TRIO: variants seen among roughly 807,000 people sequenced by gnomAD.
TRIO encodes triple functional domain protein.
Under a neutral mutation model 351.9 loss-of-function variants are expected in TRIO, and 58 were observed. The ratio of observed to expected loss-of-function variants is 0.16; its 90% CI spans 0.13 to 0.21. The LOEUF is 0.21. Ranked by LOEUF, TRIO falls within the 10% of genes least tolerant of loss-of-function variation. TRIO has a pLI of 1.00. For missense variants in TRIO, 3,201 were observed against 4,027.8 expected, an observed-to-expected ratio of 0.79 and a Z score of 5.56; for synonymous variants, 1,758 against 1,595.7, an observed-to-expected ratio of 1.10 and a Z score of -2.42.
At chr5:14,368,457 G>A (rs1000766269) in intron 16 of TRIO, among the ~76,000 whole-genome samples, 1 of 152,106 alleles carries the variant, frequency 6.6e-6, no homozygotes, top group South Asian at 2.1e-4. Context: ...CCCTACAACC[G>A]AGACCCATTC....
chr5:14,317,732 C>G (rs533631487), intron 9 of TRIO, among the ~76,000 whole-genome samples: 2 of 152,354 alleles, frequency 1.3e-5, no homozygotes, highest in Admixed American at 1.3e-4. Flanking sequence ...TGGCTCACGC[C>G]TGTAATCCCA....
At chr5:14,179,334 C>G (rs1789606220) in intron 1 of TRIO, among the ~76,000 whole-genome samples, 1 of 152,152 alleles carries the variant, frequency 6.6e-6, no homozygotes, top group Non-Finnish European at 1.5e-5. Context: ...TTCTTAATTA[C>G]TCTGTAATAC....
intron 28 of TRIO, among the ~76,000 whole-genome samples, chr5:14,396,676 G>GC (rs1425738601): frequency 6.6e-6 from 1 of 150,684 alleles, no homozygotes; most frequent in Non-Finnish European, 1.5e-5. Flanking sequence ...TACCATGTTG[G>GC]CCAGGCTGGT....
At chr5:14,486,718 G>A (rs1268254957) in intron 47 of TRIO, among the ~76,000 whole-genome samples, 1 of 152,106 alleles carries the variant, frequency 6.6e-6, no homozygotes, top group African/African-American at 2.4e-5. Flanking sequence ...AAAGGAGATC[G>A]CTCATGGGCT....
Position 14,304,559 on chromosome 5 carries a change from A to G in TRIO, c.1467A>G (p.Gly489=), listed in dbSNP as rs759501399. 12 of 1,613,992 alleles carry G rather than the reference A, an allele frequency of 7.4e-6. No homozygotes were observed. In the African/African-American group the frequency reaches 1.6e-4, roughly 22 times the overall value. The change falls in exon 8 of 57, where the codon GGA becomes GGG. Residue 489 remains glycine (G), a synonymous_variant. Coordinates refer to ENST00000344204, the MANE Select transcript of TRIO (RefSeq NM_007118.4). ...AAGATGCCATTCATCACCACCAGGGAATATATGAACATATCACTCTTGCTT... is the reference window on the plus strand; with the variant it reads ...AAGATGCCATTCATCACCACCAGGGGATATATGAACATATCACTCTTGCTT... ...DLEDAIHHHQ[G]IYEHITLAYS...
chr5:14,434,641 G>A (rs1289456306), intron 34 of TRIO, among the ~76,000 whole-genome samples: 4 of 152,204 alleles, frequency 2.6e-5, no homozygotes, highest in Non-Finnish European at 5.9e-5. Flanking sequence ...CCCGAATGCA[G>A]TGCTCTTAAC....
intron 1 of TRIO, among the ~76,000 whole-genome samples, chr5:14,184,286 C>T (rs1386328229): frequency 1.3e-5 from 2 of 152,192 alleles, no homozygotes; most frequent in Non-Finnish European, 1.5e-5. Context: ...TTTGTGTATC[C>T]GCTCAGCAAA....
chr5:14,311,821 A>G (rs1037375221), intron 8 of TRIO, among the ~76,000 whole-genome samples: 3 of 152,206 alleles, frequency 2.0e-5, no homozygotes, highest in Admixed American at 6.5e-5. Flanking sequence ...AAATAGTGCA[A>G]TTCATTTCAT....
chr5:14,220,534 C>G (rs1427890983), intron 1 of TRIO, among the ~76,000 whole-genome samples: 1 of 152,148 alleles, frequency 6.6e-6, no homozygotes, highest in Non-Finnish European at 1.5e-5. Context: ...CTGAGACAGG[C>G]CAAAAGCTAG....
chr5:14,393,106 A>G (rs1303894400), intron 27 of TRIO, among the ~76,000 whole-genome samples: 1 of 152,068 alleles, frequency 6.6e-6, no homozygotes, highest in Admixed American at 6.5e-5. Flanking sequence ...GACATAGATG[A>G]AGCTGGAAAC....
At chr5:14,175,561 C>T (rs1789355874) in intron 1 of TRIO, among the ~76,000 whole-genome samples, 1 of 152,068 alleles carries the variant, frequency 6.6e-6, no homozygotes, top group Non-Finnish European at 1.5e-5. Context: ...GAACATAACC[C>T]CAGATGGGGA....
chr5:14,196,018 G>A (rs1257101780), intron 1 of TRIO, among the ~76,000 whole-genome samples: 1 of 152,106 alleles, frequency 6.6e-6, no homozygotes, highest in African/African-American at 2.4e-5. Flanking sequence ...GTTGCCTTTG[G>A]GTTGTGGGAT....
intron 11 of TRIO, among the ~76,000 whole-genome samples, chr5:14,344,053 G>C (rs895106540): frequency 3.3e-5 from 5 of 152,146 alleles, no homozygotes; most frequent in African/African-American, 7.2e-5. Flanking sequence ...ATTTAGCTGC[G>C]CTCTTTAGTG....
At chr5:14,476,366 C>T (rs1362752483) in intron 40 of TRIO, among the ~76,000 whole-genome samples, 1 of 152,240 alleles carries the variant, frequency 6.6e-6, no homozygotes, top group Admixed American at 6.5e-5. Context: ...CGTGCCTCAT[C>T]TTCTGTGCCT....
At chr5:14,233,549 C>T (rs1200174526) in intron 1 of TRIO, among the ~76,000 whole-genome samples, 1 of 150,968 alleles carries the variant, frequency 6.6e-6, no homozygotes, top group African/African-American at 2.4e-5. Context: ...AATATTTTTC[C>T]TTCCTTTCTT....
chr5:14,419,318 T>C (rs1172922380), intron 33 of TRIO, among the ~76,000 whole-genome samples: 2 of 152,142 alleles, frequency 1.3e-5, no homozygotes, highest in South Asian at 2.1e-4. Context: ...TTCAGGGTCA[T>C]AGCCCATTGC....
At chr5:14,207,698 C>T (rs1791631915) in intron 1 of TRIO, among the ~76,000 whole-genome samples, 1 of 151,570 alleles carries the variant, frequency 6.6e-6, no homozygotes, top group African/African-American at 2.4e-5. Context: ...GGCAATAGAG[C>T]AAGACCTTGT....
chr5:14,308,831 CA>C (rs1443733915), intron 8 of TRIO, among the ~76,000 whole-genome samples: 2 of 150,876 alleles, frequency 1.3e-5, no homozygotes, highest in Non-Finnish European at 3.0e-5. Context: ...TCAATCTACC[CA>C]TCTACCCATA....
chr5:14,425,388 C>T (rs927240029), intron 34 of TRIO, among the ~76,000 whole-genome samples: 2 of 152,100 alleles, frequency 1.3e-5, no homozygotes, highest in Non-Finnish European at 2.9e-5. Context: ...TCAGAATTTC[C>T]TTTCTTTTTA....
Sources: gnomAD v4.1 joint callset for allele counts (sites outside exome capture counted in the v4.1 genomes callset) on GRCh38, gnomAD v4.1.1 for gene constraint, MANE v1.5 for transcripts, NCBI Gene and HGNC (gene_info 2026-07-23, HGNC 2026-07-21) for gene names.